The following PCNX2 variants were observed in gnomAD, a reference collection of about 807,000 sequenced individuals.
PCNX2 encodes the protein pecanex-like protein 2.
PCNX2 carries 168 observed loss-of-function variants against 223.8 expected under a neutral mutation model. That is an observed-to-expected ratio of 0.75 (90% confidence interval 0.66 to 0.85). The LOEUF is 0.85. Among genes scored for constraint, PCNX2 ranks in the 40% least tolerant of loss-of-function variants. The pLI is 0.00. For missense variants in PCNX2, 2,507 were observed against 2,675.5 expected, an observed-to-expected ratio of 0.94 and a Z score of 1.39; for synonymous variants, 1,006 against 1,052.6, an observed-to-expected ratio of 0.96 and a Z score of 0.86.
At chr1:233,218,352 A>G (rs965086567) in intron 10 of PCNX2, among the ~76,000 whole-genome samples, 168 bp from the exon 11 acceptor site, 2 of 150,040 alleles carry the variant, frequency 1.3e-5, no homozygotes, top group Non-Finnish European at 1.5e-5. Flanking sequence ...AGGTTCAAGC[A>G]ATCCTCCTGC....
At chr1:233,091,633 G>T (rs1885255) in intron 22 of PCNX2, among the ~76,000 whole-genome samples, 150,768 of 151,778 alleles carry the variant, frequency 0.99, 74,886 homozygotes, top group East Asian at 1. Context: ...CACAGGAGGC[G>T]GAGGTGAGAG....
At position 233,227,495 on chromosome 1, in the gene PCNX2, A is replaced by G. The variant is rs1270288776; in HGVS notation, c.2359-124T>C. The G allele has an allele frequency of 4.6e-6, 4 of 877,998 alleles. No homozygotes were observed. The African/African-American group carries it at 7.0e-5, about 15-fold the overall frequency. 54.4% of individuals were successfully genotyped at this position (877,998 alleles called of 1,614,324 possible). A position where few individuals can be genotyped will look rare whatever the true frequency, so the allele number is the denominator to read the frequency against. On this transcript the variant is annotated intron_variant, in intron 9 of 33. Transcript: ENST00000258229. ...ATGTACACCATAATTTAAAAATACA[A>G]AAAGCAAATGTTCAAATTCTGATAT... is the stretch of plus-strand genomic sequence containing the variant.
At chr1:233,211,523 C>A (rs951345950) in intron 12 of PCNX2, among the ~76,000 whole-genome samples, 3 of 152,106 alleles carry the variant, frequency 2.0e-5, no homozygotes, top group Non-Finnish European at 4.4e-5. Flanking sequence ...AGTGTCCTAC[C>A]TACTTCAAGT....
Position 232,986,086 on chromosome 1 carries a change from C to G in PCNX2, c.6240+6G>C. On this transcript the variant is annotated splice_donor_region_variant and intron_variant, in intron 33 of 33. Transcript: ENST00000258229. Reference sequence around the variant, plus strand: ...CTGTCCTGGTGAGCCCTGCCCAGCCCCTTACCCGAGTGGCCTGGCTGGCAG... The same window carrying G: ...CTGTCCTGGTGAGCCCTGCCCAGCCGCTTACCCGAGTGGCCTGGCTGGCAG... 6.4e-7 allele frequency: 1 copy of G among 1,556,226 alleles called. No homozygotes were observed. The highest frequency in any genetic ancestry group is 8.7e-7 in the Non-Finnish European group (1 of 1,149,436).
At chr1:233,047,480 T>C (rs1413149234) in intron 25 of PCNX2, 1 of 826,072 alleles carries the variant, frequency 1.2e-6, no homozygotes, top group Non-Finnish European at 1.5e-6. Flanking sequence ...TTCAACTAGG[T>C]TAGCTCTAAA....
intron 21 of PCNX2, 33 bp from the exon 22 acceptor site, chr1:233,095,896 G>C: frequency 6.8e-7 from 1 of 1,481,068 alleles, no homozygotes; most frequent in East Asian, 2.4e-5. Flanking sequence ...TCATCAGAGA[G>C]GACAATGACA....
At chr1:233,152,365 C>T (rs1677868065) in intron 19 of PCNX2, among the ~76,000 whole-genome samples, 1 of 152,114 alleles carries the variant, frequency 6.6e-6, no homozygotes, top group Non-Finnish European at 1.5e-5. Flanking sequence ...ATTAAAGACA[C>T]TTTGAAGAGT....
In PCNX2 at chr1:233,179,060, A is replaced by G. The variant is rs1679645955; in HGVS notation, c.3176+6T>C. The G allele has an allele frequency of 1.2e-6, 2 of 1,612,720 alleles. No homozygotes were observed. The highest frequency in any genetic ancestry group is 1.7e-5 in the Admixed American group (1 of 60,002). ...TGATGAGAGAGCACAGGCATAGACC[A>G]CTCACATGAGTACAGATGGGTCACT... On this transcript the variant is annotated splice_donor_region_variant and intron_variant, in intron 16 of 33. Coordinates refer to ENST00000258229, the MANE Select transcript of PCNX2 (RefSeq NM_014801.4).
Position 233,004,465 on chromosome 1 carries a change from T to G in PCNX2, c.4953-2784A>C, listed in dbSNP as rs531481806. ...GAGAGGAAGAACAGTTTCTCCTTTT[T>G]TTTTTTTGCTTTGTTTTCTTTCTAT... On this transcript the variant is annotated intron_variant, in intron 28 of 33. Coordinates refer to ENST00000258229, the MANE Select transcript of PCNX2 (RefSeq NM_014801.4). Among the ~76,000 whole-genome samples the G allele has an allele frequency of 2.1e-4, 32 of 152,186 alleles. No individual in the cohort carries two copies. The South Asian group carries it at 6.4e-3, about 31-fold the overall frequency.
At chr1:233,241,248 G>C (rs1033966325) in intron 8 of PCNX2, 4 of 985,420 alleles carry the variant, frequency 4.1e-6, no homozygotes, top group Non-Finnish European at 4.8e-6. Context: ...GCAAGGCTGG[G>C]AGCATGGGAC....
intron 25 of PCNX2, among the ~76,000 whole-genome samples, chr1:233,026,303 A>T (rs1220274610): frequency 6.6e-6 from 1 of 152,220 alleles, no homozygotes; most frequent in Non-Finnish European, 1.5e-5. Flanking sequence ...CATACTTATT[A>T]TATGTTCCTA....
Position 232,984,398 on chromosome 1 carries a change from G to A in PCNX2, c.6320C>T (p.Ala2107Val), listed in dbSNP as rs372109399. 3.7e-6 allele frequency: 6 copies of A among 1,613,666 alleles called. No individual in the cohort carries two copies. The highest frequency in any genetic ancestry group is 4.5e-5 in the East Asian group (2 of 44,854). The change falls in exon 34 of 34, where the codon GCG (alanine) becomes GTG (valine). Residue 2107 changes from alanine to valine, a missense_variant. Ala to Val is a moderately conservative substitution (Grantham distance 64, BLOSUM62 0). Around this residue, in one of 3 missense-constraint regions of PCNX2, gnomAD observed 1,372 missense variants for 1,509.4 expected, o/e 0.91. Transcript: ENST00000258229. ...LHDRCLAEAVADTLGVVCRRA... is the reference protein window; with the variant it reads ...LHDRCLAEAVVDTLGVVCRRA... Reference sequence around the variant, plus strand: ...CCTGCAGACAACCCCGAGAGTGTCCGCCACAGCCTCAGCCAGACATCGGTC... The same window carrying A: ...CCTGCAGACAACCCCGAGAGTGTCCACCACAGCCTCAGCCAGACATCGGTC...
chr1:233,225,711 C>T (rs749482373), intron 10 of PCNX2, among the ~76,000 whole-genome samples: 11 of 152,126 alleles, frequency 7.2e-5, no homozygotes, highest in African/African-American at 1.4e-4. Flanking sequence ...TCTATAGATA[C>T]ATTTATTTTT....
intron 1 of PCNX2, chr1:233,289,548 T>C (rs539829817): frequency 7.8e-6 from 5 of 638,596 alleles, no homozygotes; most frequent in African/African-American, 7.3e-5. Flanking sequence ...GAAATACAAC[T>C]CTGCTTCAGG....
At chr1:232,985,288 C>G (rs1457528069) in intron 33 of PCNX2, 1 of 152,206 alleles carries the variant, frequency 6.6e-6, no homozygotes, top group Non-Finnish European at 1.5e-5. Flanking sequence ...TAGAAATGTT[C>G]AGGTGCAGCC....
At chr1:233,217,828 G>A (rs967171306) in intron 12 of PCNX2, 71 bp downstream of exon 12, 3 of 1,579,436 alleles carry the variant, frequency 1.9e-6, no homozygotes. Context: ...CCTTTGACTA[G>A]ATTTTGGCTT....
chr1:233,121,527 A>G (rs1675793273), intron 21 of PCNX2, among the ~76,000 whole-genome samples: 2 of 152,230 alleles, frequency 1.3e-5, no homozygotes, highest in East Asian at 3.8e-4. Context: ...AAAAAGACCC[A>G]TACAAATATG....
intron 23 of PCNX2, among the ~76,000 whole-genome samples, chr1:233,084,295 G>A (rs546377773): frequency 2.2e-4 from 34 of 152,340 alleles, no homozygotes; most frequent in African/African-American, 7.7e-4. Context: ...ATTTCTTGCT[G>A]AGAAAGGCAG....
the PCNX2 span, among the ~76,000 whole-genome samples, chr1:233,315,057 AT>A: frequency 2.0e-5 from 3 of 152,256 alleles, no homozygotes; most frequent in African/African-American, 7.2e-5. Context: ...GGAAGGGCAC[AT>A]CGTAATGCAG....
Sources: allele counts gnomAD v4.1 joint callset (sites outside exome capture counted in the v4.1 genomes callset), GRCh38; gene constraint gnomAD v4.1.1; regional missense constraint gnomAD v4.1.1; transcripts MANE v1.5; gene names NCBI Gene and HGNC (gene_info 2026-07-23, HGNC 2026-07-21).